Variants in CDH4 observed in about 807,000 individuals in gnomAD.
The protein encoded by CDH4 is cadherin 4.
Under a neutral mutation model 86.0 loss-of-function variants are expected in CDH4, and 33 were observed. The ratio of observed to expected loss-of-function variants is 0.38; its 90% CI spans 0.29 to 0.51. The LOEUF is 0.51. Among genes scored for constraint, CDH4 ranks in the 20% least tolerant of loss-of-function variants. The probability of loss-of-function intolerance (pLI) is 0.86; values close to 1 mark genes in which losing one functional copy is unlikely to be tolerated. For missense variants in CDH4, 1,114 were observed against 1,307.4 expected (o/e 0.85, Z 2.28); for synonymous variants, 555 against 549.4 (o/e 1.01, Z -0.14).
rs188227904 is a variant in CDH4, at chr20:61,651,391, C to T, written c.170-92172C>T. Among the ~76,000 whole-genome samples the T allele has an allele frequency of 9.2e-5, 14 of 152,360 alleles. No individual in the cohort carries two copies. The East Asian group carries it at 2.1e-3, about 23-fold the overall frequency. ...AAAGGCACATGTCCCAGCCCCGAGT[C>T]AAGCGTACAGGGGCCTCCCGGGAGC... On this transcript the variant is annotated intron_variant, in intron 2 of 15. Transcript: ENST00000614565.
chr20:61,618,271 G>A (rs576332203), intron 2 of CDH4, among the ~76,000 whole-genome samples: 10 of 152,156 alleles, frequency 6.6e-5, no homozygotes, highest in South Asian at 6.2e-4. Flanking sequence ...GTAAATGTTC[G>A]TGAGAAAGGG....
chr20:61,355,745 G>A (rs1320598853), intron 2 of CDH4, among the ~76,000 whole-genome samples: 2 of 152,242 alleles, frequency 1.3e-5, no homozygotes, highest in African/African-American at 2.4e-5. Context: ...CCGCCTGTCT[G>A]TGCGTGGATC....
At chr20:61,408,472 G>A (rs1207266545) in intron 2 of CDH4, among the ~76,000 whole-genome samples, 8 of 152,184 alleles carry the variant, frequency 5.3e-5, no homozygotes, top group Non-Finnish European at 1.2e-4. Flanking sequence ...TAGACTCAGT[G>A]CACATCACTG....
intron 2 of CDH4, among the ~76,000 whole-genome samples, chr20:61,353,005 C>T (rs1449867390): frequency 6.6e-6 from 1 of 152,112 alleles, no homozygotes; most frequent in Non-Finnish European, 1.5e-5. Context: ...TGAGCTCAGG[C>T]TCTGGGGACC....
In CDH4 at chr20:61,688,366, C is replaced by T. The variant is rs2087612351; in HGVS notation, c.170-55197C>T. On this transcript the variant is annotated intron_variant, in intron 2 of 15. Coordinates refer to ENST00000614565, the MANE Select transcript of CDH4 (RefSeq NM_001794.5). ...GTGTCCTCCTCCCACCGACACCCAC[C>T]ACCCAGTGCCTCAAGGAACTTCCTT... Among the ~76,000 whole-genome samples, 3 of 152,250 alleles carry T rather than the reference C, an allele frequency of 2.0e-5. No homozygotes were observed. In the South Asian group the frequency reaches 6.2e-4, roughly 32 times the overall value.
rs147190991 is a variant in CDH4, at chr20:61,296,136, A to G, written c.169+41199A>G. ...TAGACCAGATGATCCACACCACATC[A>G]AGGGTTGGATGTGCTGGAACTTTAG... On this transcript the variant is annotated intron_variant, in intron 2 of 15. Coordinates refer to ENST00000614565, the MANE Select transcript of CDH4 (RefSeq NM_001794.5). Among the ~76,000 whole-genome samples the G allele has an allele frequency of 5.7e-3, 875 of 152,264 alleles. 3 individuals are homozygous for G. The highest frequency in any genetic ancestry group is 8.5e-3 in the Non-Finnish European group (578 of 68,006).
intron 3 of CDH4, among the ~76,000 whole-genome samples, chr20:61,760,347 T>A (rs1000414810): frequency 3.3e-5 from 5 of 152,222 alleles, no homozygotes; most frequent in African/African-American, 1.2e-4. Flanking sequence ...TCAGAAGTCA[T>A]AGCCCAGGCT....
chr20:61,551,447 C>T (rs1048432521), intron 2 of CDH4, among the ~76,000 whole-genome samples: 2 of 152,188 alleles, frequency 1.3e-5, no homozygotes, highest in Non-Finnish European at 2.9e-5. Context: ...GATAAAGGAA[C>T]AGAACCTCCC....
chr20:61,279,955 G>T (rs2084250063), intron 2 of CDH4, among the ~76,000 whole-genome samples: 1 of 152,188 alleles, frequency 6.6e-6, no homozygotes, highest in South Asian at 2.1e-4. Context: ...GTTGCAAGGA[G>T]ATGGCCTTCT....
chr20:61,360,681 G>A (rs1016546152), intron 2 of CDH4, among the ~76,000 whole-genome samples: 6 of 152,144 alleles, frequency 3.9e-5, no homozygotes, highest in Non-Finnish European at 8.8e-5. Flanking sequence ...TGTTCCTTAC[G>A]GTTCCACTCT....
At chr20:61,797,583 G>A (rs541575089) in intron 4 of CDH4, among the ~76,000 whole-genome samples, 13 of 152,166 alleles carry the variant, frequency 8.5e-5, no homozygotes, top group African/African-American at 2.7e-4. Context: ...CCAGAAGTTC[G>A]AGACCAGCCT....
chr20:61,740,808 A>G (rs1308040769), intron 2 of CDH4: 2 of 152,254 alleles, frequency 1.3e-5, no homozygotes, highest in Non-Finnish European at 2.9e-5. Flanking sequence ...GGAACACCCA[A>G]GTTATGGTTA....
At chr20:61,671,989 A>C (rs1221633386) in intron 2 of CDH4, among the ~76,000 whole-genome samples, 1 of 142,156 alleles carries the variant, frequency 7.0e-6, no homozygotes, top group African/African-American at 2.5e-5. Context: ...AGATGGATGA[A>C]TAGATGGGTG....
At chr20:61,546,273 G>A (rs1164359689) in intron 2 of CDH4, among the ~76,000 whole-genome samples, 1 of 151,760 alleles carries the variant, frequency 6.6e-6, no homozygotes, top group Admixed American at 6.6e-5. Context: ...GTTCACATGT[G>A]TGTGGTGTGT....
chr20:61,579,753 A>G, intron 2 of CDH4, among the ~76,000 whole-genome samples: 1 of 152,086 alleles, frequency 6.6e-6, no homozygotes, highest in East Asian at 1.9e-4. Context: ...TGAGCTACGA[A>G]TCTCCATGCA....
At chr20:61,647,749 C>T (rs951024421) in intron 2 of CDH4, among the ~76,000 whole-genome samples, 7 of 152,010 alleles carry the variant, frequency 4.6e-5, no homozygotes, top group African/African-American at 7.3e-5. Context: ...GTAGGTACCA[C>T]GGGGAGTTGA....
intron 2 of CDH4, among the ~76,000 whole-genome samples, chr20:61,287,874 G>A (rs899522498): frequency 3.3e-5 from 5 of 152,284 alleles, no homozygotes; most frequent in Middle Eastern, 3.4e-3. Context: ...GCCTGAAGCC[G>A]GGAGGACAAG....
At chr20:61,409,029 G>A (rs149041633) in intron 2 of CDH4, among the ~76,000 whole-genome samples, 1 of 152,324 alleles carries the variant, frequency 6.6e-6, no homozygotes, top group African/African-American at 2.4e-5. Context: ...GAAAACTGCT[G>A]GGCAGGTTTG....
intron 2 of CDH4, among the ~76,000 whole-genome samples, chr20:61,263,840 C>T (rs1276534796): frequency 2.6e-5 from 4 of 152,118 alleles, no homozygotes; most frequent in Non-Finnish European, 5.9e-5. Context: ...GGCTCCTGCA[C>T]TCCTTGGCTC....
Sources: allele counts gnomAD v4.1 joint callset (sites outside exome capture counted in the v4.1 genomes callset), GRCh38; gene constraint gnomAD v4.1.1; transcripts MANE v1.5; gene names NCBI Gene and HGNC (gene_info 2026-07-23, HGNC 2026-07-21).